Variants in ADGRB3 observed in about 807,000 individuals in gnomAD.
The protein encoded by ADGRB3 is brain-specific angiogenesis inhibitor 3.
Under a neutral mutation model 193.4 loss-of-function variants are expected in ADGRB3, and 37 were observed. The ratio of observed to expected loss-of-function variants is 0.19; its 90% CI spans 0.15 to 0.25. The LOEUF (loss-of-function observed/expected upper bound fraction) is 0.25. ADGRB3 is among the 10% of genes least tolerant of loss of function. ADGRB3 has a pLI of 1.00. For synonymous variants in ADGRB3, 690 were observed against 644.2 expected (o/e 1.07, Z -1.08); for missense variants, 1,637 against 1,852.9 (o/e 0.88, Z 2.14).
intron 17 of ADGRB3, among the ~76,000 whole-genome samples, chr6:69,146,928 C>A (rs1774518156): frequency 6.9e-6 from 1 of 144,712 alleles, no homozygotes; most frequent in Admixed American, 7.2e-5. Context: ...TCTAGGTTTG[C>A]CAATTCGTTC....
chr6:68,904,175 C>A (rs575792271), intron 3 of ADGRB3, among the ~76,000 whole-genome samples: 45 of 151,754 alleles, frequency 3.0e-4, no homozygotes, highest in African/African-American at 1.1e-3. Context: ...TGAAAATATT[C>A]AAATTTGTAA....
chr6:68,865,284 G>T (rs569574538), intron 3 of ADGRB3, among the ~76,000 whole-genome samples: 1 of 151,950 alleles, frequency 6.6e-6, no homozygotes, highest in Non-Finnish European at 1.5e-5. Flanking sequence ...GTCCAGTTCT[G>T]ATAAAAATTT....
chr6:68,764,029 A>G (rs1582181221), intron 3 of ADGRB3, among the ~76,000 whole-genome samples: 1 of 152,140 alleles, frequency 6.6e-6, no homozygotes, highest in South Asian at 2.1e-4. Context: ...GCTGAAATGC[A>G]CCACTGCACT....
At chr6:69,165,799 T>C (rs1481873257) in intron 17 of ADGRB3, among the ~76,000 whole-genome samples, 4 of 152,062 alleles carry the variant, frequency 2.6e-5, no homozygotes, top group Non-Finnish European at 4.4e-5. Flanking sequence ...GTTCTAACCA[T>C]TTTATATGCA....
chr6:69,379,776 G>A (rs1391973015), intron 30 of ADGRB3, among the ~76,000 whole-genome samples: 1 of 151,952 alleles, frequency 6.6e-6, no homozygotes, highest in Non-Finnish European at 1.5e-5. Flanking sequence ...GTTATTTCTG[G>A]CAGTGCCAAG....
chr6:69,278,745 C>A (rs1019342897), intron 20 of ADGRB3, among the ~76,000 whole-genome samples: 1 of 151,954 alleles, frequency 6.6e-6, no homozygotes, highest in African/African-American at 2.4e-5. Context: ...GCTTTTCTAT[C>A]CTTTCTGATT....
chr6:68,713,345 C>T (rs1251650347), intron 3 of ADGRB3, among the ~76,000 whole-genome samples: 1 of 151,772 alleles, frequency 6.6e-6, no homozygotes, highest in Non-Finnish European at 1.5e-5. Flanking sequence ...CTGGACGATT[C>T]CAACTTCCAT....
chr6:68,832,545 C>T (rs1435840812), intron 3 of ADGRB3, among the ~76,000 whole-genome samples: 3 of 152,106 alleles, frequency 2.0e-5, no homozygotes, highest in African/African-American at 7.2e-5. Flanking sequence ...AAAGATGATA[C>T]GTTACTGCCT....
chr6:68,728,511 C>T (rs1765714704), intron 3 of ADGRB3, among the ~76,000 whole-genome samples: 1 of 151,546 alleles, frequency 6.6e-6, no homozygotes, highest in Non-Finnish European at 1.5e-5. Flanking sequence ...TTTAAAAACA[C>T]TCGTGCACAC....
intron 26 of ADGRB3, among the ~76,000 whole-genome samples, chr6:69,349,113 C>A (rs577851260): frequency 5.9e-5 from 9 of 152,294 alleles, no homozygotes; most frequent in African/African-American, 2.2e-4. Context: ...GAAATAATGT[C>A]TGCCACAAAG....
At position 68,812,003 on chromosome 6, in the gene ADGRB3, T is replaced by C. The variant is rs181522354; in HGVS notation, c.758-118556T>C. The stretch of plus-strand genomic sequence containing the variant: ...TAGTTGTAGTAGATGAAGACAAGAC[T>C]ATAATGCCACATTAGAATTATTTAA... On this transcript the variant is annotated intron_variant, in intron 3 of 31. Coordinates refer to ENST00000370598, the MANE Select transcript of ADGRB3 (RefSeq NM_001704.3). 7.2e-5 allele frequency among the ~76,000 whole-genome samples: 11 copies of C among 152,348 alleles called. No homozygotes were observed. The East Asian group carries it at 1.7e-3, about 24-fold the overall frequency.
intron 19 of ADGRB3, among the ~76,000 whole-genome samples, chr6:69,237,092 A>G (rs981070252): frequency 6.6e-6 from 1 of 152,006 alleles, no homozygotes; most frequent in East Asian, 1.9e-4. Context: ...AGAAACACCA[A>G]TAGAAACTTC....
intron 14 of ADGRB3, 80 bp downstream of exon 14, chr6:69,048,414 A>G (rs1325152025): frequency 1.1e-5 from 15 of 1,374,362 alleles, no homozygotes; most frequent in Non-Finnish European, 1.5e-5. Flanking sequence ...ATAAATCTTC[A>G]TACATTAAAC....
chr6:69,282,829 T>G (rs995801344), intron 20 of ADGRB3, among the ~76,000 whole-genome samples: 3 of 152,184 alleles, frequency 2.0e-5, no homozygotes, highest in Admixed American at 1.3e-4. Flanking sequence ...TTTCTGCCTT[T>G]AAGTAGCTTA....
chr6:69,017,259 G>C (rs546243313), intron 12 of ADGRB3, among the ~76,000 whole-genome samples: 5 of 151,844 alleles, frequency 3.3e-5, no homozygotes, highest in Non-Finnish European at 5.9e-5. Flanking sequence ...TTTCAGCTCT[G>C]ACTATATGCT....
intron 17 of ADGRB3, among the ~76,000 whole-genome samples, chr6:69,152,355 G>C (rs1182208054): frequency 2.0e-5 from 3 of 152,160 alleles, no homozygotes; most frequent in African/African-American, 7.2e-5. Flanking sequence ...GTCCCAATGT[G>C]ACTCTTCTTA....
intron 31 of ADGRB3, among the ~76,000 whole-genome samples, chr6:69,388,027 A>T (rs1017075296): frequency 5.3e-5 from 8 of 152,260 alleles, no homozygotes; most frequent in African/African-American, 1.9e-4. Flanking sequence ...TCAAGAGGGA[A>T]ATATCTTTCA....
intron 3 of ADGRB3, among the ~76,000 whole-genome samples, chr6:68,676,280 A>G (rs1161794541): frequency 6.6e-6 from 1 of 151,378 alleles, no homozygotes; most frequent in African/African-American, 2.4e-5. Context: ...TAATCCCGCT[A>G]CTCAGGAGGC....
intron 3 of ADGRB3, among the ~76,000 whole-genome samples, chr6:68,802,203 TG>T (rs56846202): frequency 0.011 from 1,691 of 151,990 alleles, 30 homozygotes; most frequent in African/African-American, 0.036. Context: ...TGTGTGTGTG[TG>T]TGTGTGTATG....
Sources: gnomAD v4.1 joint callset for allele counts (sites outside exome capture counted in the v4.1 genomes callset) on GRCh38, gnomAD v4.1.1 for gene constraint, MANE v1.5 for transcripts, NCBI Gene and HGNC (gene_info 2026-07-23, HGNC 2026-07-21) for gene names.